BCAS3: variants seen among roughly 807,000 people sequenced by gnomAD.
The protein encoded by BCAS3 is BCAS3 microtubule associated cell migration factor.
Under a neutral mutation model 116.1 loss-of-function variants are expected in BCAS3, and 53 were observed. The ratio of observed to expected loss-of-function variants is 0.46; its 90% CI spans 0.37 to 0.57. The LOEUF (loss-of-function observed/expected upper bound fraction) is 0.57, where lower values mean the gene tolerates loss of function less well. BCAS3 is among the 20% of genes least tolerant of loss of function. The pLI, the probability that BCAS3 is intolerant of heterozygous loss-of-function variation, is 0.00. For synonymous variants in BCAS3, 391 were observed against 408.2 expected (o/e 0.96, Z 0.51); for missense variants, 917 against 1,165.4 (o/e 0.79, Z 3.10).
At chr17:61,178,213 A>G (rs2079257187) in intron 22 of BCAS3, among the ~76,000 whole-genome samples, 1 of 152,128 alleles carries the variant, frequency 6.6e-6, no homozygotes, top group Admixed American at 6.6e-5. Context: ...CTGTATTACA[A>G]AGTCTTTTAT....
intron 14 of BCAS3, among the ~76,000 whole-genome samples, chr17:60,959,210 G>A (rs2061296023): frequency 1.3e-5 from 2 of 152,088 alleles, no homozygotes; most frequent in African/African-American, 4.8e-5. Flanking sequence ...GGGAAGCTGA[G>A]GTGGAAGGAT....
At position 61,353,333 on chromosome 17, in the gene BCAS3, G is replaced by A. The variant is rs372199692; in HGVS notation, c.2426-14994G>A. Among the ~76,000 whole-genome samples the A allele has an allele frequency of 3.9e-5, 6 of 152,216 alleles. No homozygotes were observed. In the East Asian group the frequency reaches 5.8e-4, roughly 15 times the overall value. ...TGATTCTGCAGCTTCCGTGCACACA[G>A]ATCCCCTGGGGGTCTTATTAAAATG... On this transcript the variant is annotated intron_variant, in intron 22 of 23. Transcript: ENST00000407086.
At position 61,136,816 on chromosome 17, in the gene BCAS3, C is replaced by T. The variant is rs534972883; in HGVS notation, c.2425+52252C>T. ...TCAAGTGATCCACCCACCTCGGCCTCCCAAAGTCCTGAGATTACAGGTGTG... is the reference window on the plus strand; with the variant it reads ...TCAAGTGATCCACCCACCTCGGCCTTCCAAAGTCCTGAGATTACAGGTGTG... On this transcript the variant is annotated intron_variant, in intron 22 of 23. Coordinates refer to ENST00000407086, the MANE Select transcript of BCAS3 (RefSeq NM_017679.5). This position sits in a 1 kb window ranked among gnomAD's most constrained non-coding sequence, Gnocchi z 4.4. 6.6e-6 allele frequency among the ~76,000 whole-genome samples: 1 copy of T among 152,248 alleles called. No homozygotes were observed. The highest frequency in any genetic ancestry group is 2.4e-5 in the African/African-American group (1 of 41,546).
chr17:61,184,716 T>C (rs2079667163), intron 22 of BCAS3, among the ~76,000 whole-genome samples: 1 of 152,114 alleles, frequency 6.6e-6, no homozygotes, highest in East Asian at 1.9e-4. Context: ...CAAATGTTCA[T>C]CAACTGGCGA....
intron 21 of BCAS3, among the ~76,000 whole-genome samples, chr17:61,079,276 T>C (rs1010824456): frequency 6.6e-6 from 1 of 152,224 alleles, no homozygotes; most frequent in Non-Finnish European, 1.5e-5. Context: ...AACAACCCTC[T>C]GACCTTTTTC....
chr17:60,923,310 C>T lies in BCAS3; in HGVS notation c.994-1097C>T, dbSNP rs186830451. Among the ~76,000 whole-genome samples, 217 of 152,282 alleles carry T rather than the reference C, an allele frequency of 1.4e-3. 10 individuals carry two copies. The South Asian group carries it at 0.041, about 29-fold the overall frequency. ...GCATGATTGACCTGCACAGTTAAAACGGGTAGCTTTTGTGGTGTGCAAGTT... is the reference window on the plus strand; with the variant it reads ...GCATGATTGACCTGCACAGTTAAAATGGGTAGCTTTTGTGGTGTGCAAGTT... On this transcript the variant is annotated intron_variant, in intron 12 of 23. Coordinates refer to ENST00000407086, the MANE Select transcript of BCAS3 (RefSeq NM_017679.5).
At position 61,279,399 on chromosome 17, in the gene BCAS3, G is replaced by A. The variant is rs1246819523; in HGVS notation, c.2426-88928G>A. On this transcript the variant is annotated intron_variant, in intron 22 of 23. Transcript: ENST00000407086. This position sits in a 1 kb window ranked among gnomAD's most constrained non-coding sequence, Gnocchi z 4.4. ...TTTCCATCAGTCAGTGATGCCCTTTGTGGGCAGGTTTGTGCACAGATCAGG... is the reference window on the plus strand; with the variant it reads ...TTTCCATCAGTCAGTGATGCCCTTTATGGGCAGGTTTGTGCACAGATCAGG... 6.6e-6 allele frequency among the ~76,000 whole-genome samples: 1 copy of A among 151,946 alleles called. No individual in the cohort carries two copies. The highest frequency in any genetic ancestry group is 6.5e-5 in the Admixed American group (1 of 15,268).
intron 22 of BCAS3, among the ~76,000 whole-genome samples, chr17:61,117,894 T>C (rs1400757576): frequency 1.3e-5 from 2 of 152,314 alleles, no homozygotes; most frequent in Non-Finnish European, 2.9e-5. Context: ...TTACATTTCT[T>C]TCATTTTCAT....
Position 61,084,305 on chromosome 17 carries a change from G to A in BCAS3, c.2328-162G>A, listed in dbSNP as rs1284998993. Among the ~76,000 whole-genome samples, 1 of 152,116 alleles carries A rather than the reference G, an allele frequency of 6.6e-6. No individual in the cohort carries two copies. The highest frequency in any genetic ancestry group is 2.4e-5 in the African/African-American group (1 of 41,400). Reference sequence around the variant, plus strand: ...AGAATATTTGTAGTGTTTTATCCTTGTGCAGCAATTAGGGACTGCAGCTCC... The same window carrying A: ...AGAATATTTGTAGTGTTTTATCCTTATGCAGCAATTAGGGACTGCAGCTCC... On this transcript the variant is annotated intron_variant, in intron 21 of 23. Transcript: ENST00000407086. The surrounding 1 kb of genome is among the most constrained non-coding windows in gnomAD (Gnocchi z 5.5).
At chr17:61,273,731 CTTT>C (rs71355183) in intron 22 of BCAS3, among the ~76,000 whole-genome samples, 1 of 138,808 alleles carries the variant, frequency 7.2e-6, no homozygotes, top group Non-Finnish European at 1.6e-5. Context: ...TGGCTCTGTT[CTTT>C]TTTTTTTTTC....
rs755966067 is a variant in BCAS3, at chr17:60,976,020, CTTT to C, written c.1222-13933_1222-13931del. 5.3e-4 allele frequency among the ~76,000 whole-genome samples: 52 copies of C among 98,308 alleles called. 1 individual carries two copies. Among genetic ancestry groups the C allele is most frequent in the East Asian group, 1.4e-3 (4 of 2,842 alleles). 64.5% of individuals were successfully genotyped at this position (98,308 alleles called of 152,430 possible). On this transcript the variant is annotated intron_variant, in intron 14 of 23. Transcript: ENST00000407086. ...GCAAACATTTGTATATAGATTTTTG[CTTT>C]TTTTTTTTTTTTTTTTTCTTTTTGA...
At position 61,087,087 on chromosome 17, in the gene BCAS3, T is replaced by G; in HGVS notation, c.2425+2523T>G. ...AAACATATTTATGGGAAAATTTTGT[T>G]GTAGATTCTTCTGTTAAAAAGAATC... On this transcript the variant is annotated intron_variant, in intron 22 of 23. Coordinates refer to ENST00000407086, the MANE Select transcript of BCAS3 (RefSeq NM_017679.5). This position sits in a 1 kb window ranked among gnomAD's most constrained non-coding sequence, Gnocchi z 4.6. 1.0e-6 allele frequency: 1 copy of G among 984,784 alleles called. No homozygotes were observed. Among genetic ancestry groups the G allele is most frequent in the Non-Finnish European group, 1.2e-6 (1 of 829,354 alleles). The allele number at this position is 984,784 out of a possible 1,614,324, so 61.0% of individuals were successfully genotyped here.
At chr17:60,970,392 C>A (rs1291968584) in intron 14 of BCAS3, among the ~76,000 whole-genome samples, 1 of 151,738 alleles carries the variant, frequency 6.6e-6, no homozygotes, top group Non-Finnish European at 1.5e-5. Flanking sequence ...AAAATTCAAC[C>A]ATATAGAAAT....
intron 5 of BCAS3, among the ~76,000 whole-genome samples, chr17:60,731,205 T>C (rs902539065): frequency 3.9e-5 from 6 of 152,146 alleles, no homozygotes; most frequent in African/African-American, 1.4e-4. Context: ...ACACGTGTTT[T>C]TTTGCTTGTT....
rs780514916 is a variant in BCAS3 at position 60,960,828 on chromosome 17, C to T, written c.1221+13476C>T. ...CTTTGTGCCTTTCAGTCCAAGATGG[C>T]GGTGTTTCTGCAGATACTACATTCT... On this transcript the variant is annotated intron_variant, in intron 14 of 23. Transcript: ENST00000407086. The surrounding 1 kb of genome is among the most constrained non-coding windows in gnomAD (Gnocchi z 4.1). Among the ~76,000 whole-genome samples, 12 of 150,814 alleles carry T rather than the reference C, an allele frequency of 8.0e-5. No individual in the cohort carries two copies. In the East Asian group the frequency reaches 1.4e-3, roughly 17 times the overall value.
chr17:60,830,453 A>G (rs1371022974), intron 7 of BCAS3, among the ~76,000 whole-genome samples: 3 of 152,306 alleles, frequency 2.0e-5, no homozygotes, highest in African/African-American at 7.2e-5. Context: ...GACAAACATG[A>G]AGTCCTGAAT....
Position 61,356,224 on chromosome 17 carries a change from C to T in BCAS3, c.2426-12103C>T, listed in dbSNP as rs1321289734. ...GGCCAGGCTGGTCTCGAACTCCTGA[C>T]CTCAGGTGATCCACACGCCTCGGCC... On this transcript the variant is annotated intron_variant, in intron 22 of 23. Coordinates refer to ENST00000407086, the MANE Select transcript of BCAS3 (RefSeq NM_017679.5). This position sits in a 1 kb window ranked among gnomAD's most constrained non-coding sequence, Gnocchi z 5.4. 6.6e-6 allele frequency among the ~76,000 whole-genome samples: 1 copy of T among 152,164 alleles called. No homozygotes were observed. Among genetic ancestry groups the T allele is most frequent in the African/African-American group, 2.4e-5 (1 of 41,416 alleles).
At chr17:60,881,056 G>C (rs1305885054) in intron 9 of BCAS3, among the ~76,000 whole-genome samples, 1 of 152,030 alleles carries the variant, frequency 6.6e-6, no homozygotes, top group Non-Finnish European at 1.5e-5. Flanking sequence ...CTCACTGCAA[G>C]CTCCGCCTCC....
chr17:61,214,964 G>T lies in BCAS3; in HGVS notation c.2425+130400G>T, dbSNP rs982700046. On this transcript the variant is annotated intron_variant, in intron 22 of 23. Transcript: ENST00000407086. This position sits in a 1 kb window ranked among gnomAD's most constrained non-coding sequence, Gnocchi z 4.4. The stretch of plus-strand genomic sequence containing the variant: ...TGCATTGGTTTACCCTCAAGAAAAA[G>T]AAATACAGCCTCTATATACCTCTTA... Among the ~76,000 whole-genome samples the T allele has an allele frequency of 6.6e-6, 1 of 152,056 alleles. No homozygotes were observed. The highest frequency in any genetic ancestry group is 2.4e-5 in the African/African-American group (1 of 41,422).
Sources: gnomAD v4.1 joint callset for allele counts (sites outside exome capture counted in the v4.1 genomes callset) on GRCh38, gnomAD v4.1.1 for gene constraint, Gnocchi (gnomAD v3.1) non-coding constraint, MANE v1.5 for transcripts, NCBI Gene and HGNC (gene_info 2026-07-23, HGNC 2026-07-21) for gene names.